The following BANP variants were observed in gnomAD, a reference collection of about 807,000 sequenced individuals.
BANP encodes the protein BTG3 associated nuclear protein, also known as protein BANP.
BANP carries 11 observed loss-of-function variants against 68.1 expected under a neutral mutation model. The observed-to-expected ratio is 0.16, with a 90% confidence interval of 0.10 to 0.27. BANP has a LOEUF of 0.27. Ranked by LOEUF, BANP falls within the 10% of genes least tolerant of loss-of-function variation. The pLI is 1.00. For synonymous variants in BANP, 329 were observed against 303.2 expected (o/e 1.09, Z -0.88); for missense variants, 504 against 722.7 (o/e 0.70, Z 3.47).
Position 88,057,498 on chromosome 16 carries a change from T to TCAAGAAACGAGGAGTGAAAAA in BANP, c.1312-7766_1312-7746dup, listed in dbSNP as rs755104567. On this transcript the variant is annotated intron_variant, in intron 11 of 13. Coordinates refer to ENST00000682872, the MANE Select transcript of BANP (RefSeq NM_001386991.1). This position sits in a 1 kb window ranked among gnomAD's most constrained non-coding sequence, Gnocchi z 4.6. Reference sequence around the variant, plus strand: ...CCTCCACGTGTTCACCTCGTCAGAGTCAAGAAACGAGGAGTGAAAAACACC... The same window carrying TCAAGAAACGAGGAGTGAAAAA: ...CCTCCACGTGTTCACCTCGTCAGAGTCAAGAAACGAGGAGTGAAAAACAAGAAACGAGGAGTGAAAAACACC... Among the ~76,000 whole-genome samples the TCAAGAAACGAGGAGTGAAAAA allele has an allele frequency of 1.1e-4, 16 of 151,752 alleles. No individual in the cohort carries two copies. Among genetic ancestry groups the TCAAGAAACGAGGAGTGAAAAA allele is most frequent in the Admixed American group, 2.0e-4 (3 of 15,248 alleles).
chr16:88,020,836 C>T (rs1451240606), intron 7 of BANP, among the ~76,000 whole-genome samples: 1 of 152,172 alleles, frequency 6.6e-6, no homozygotes, highest in African/African-American at 2.4e-5. Context: ...AGGGCATTGG[C>T]TGCAATTCTT....
intron 7 of BANP, among the ~76,000 whole-genome samples, chr16:88,019,027 G>C (rs992015177): frequency 1.5e-4 from 11 of 75,268 alleles, no homozygotes; most frequent in Non-Finnish European, 3.5e-4. Context: ...CGCTGACCCA[G>C]GCCCCCCTGA....
rs1466539080 is a variant in BANP, at chr16:88,049,937, G to A, written c.1311+11926G>A. Among the ~76,000 whole-genome samples the A allele has an allele frequency of 5.9e-5, 9 of 152,332 alleles. 1 individual carries two copies. The highest frequency in any genetic ancestry group is 1.3e-4 in the Non-Finnish European group (9 of 68,030). On this transcript the variant is annotated intron_variant, in intron 11 of 13. Coordinates refer to ENST00000682872, the MANE Select transcript of BANP (RefSeq NM_001386991.1). ...TTCTTGGGGATTTAGATTACATACA[G>A]CATAGGAAATGTGTTGTTCTAATTG... is the stretch of plus-strand genomic sequence containing the variant.
intron 11 of BANP, 53 bp from the exon 12 acceptor site, chr16:88,065,214 G>C (rs2088177762): frequency 1.5e-6 from 1 of 686,668 alleles, no homozygotes; most frequent in East Asian, 2.7e-5. Context: ...AGCAAGGCAG[G>C]GTTGGTCCTT....
chr16:88,049,816 G>A (rs905979901), intron 11 of BANP, among the ~76,000 whole-genome samples: 3 of 152,178 alleles, frequency 2.0e-5, no homozygotes, highest in Admixed American at 1.3e-4. Flanking sequence ...CCAGCCACAC[G>A]GCATCCGACG....
At chr16:88,050,427 G>C (rs774189591) in intron 11 of BANP, among the ~76,000 whole-genome samples, 1 of 151,952 alleles carries the variant, frequency 6.6e-6, no homozygotes, top group Non-Finnish European at 1.5e-5. Context: ...GGGTGCTCGG[G>C]TTACAGGCAT....
At chr16:88,027,365 T>C (rs1311950210) in intron 7 of BANP, 118 bp from the exon 8 acceptor site, 2 of 1,139,840 alleles carry the variant, frequency 1.8e-6, no homozygotes, top group Non-Finnish European at 1.3e-6. Flanking sequence ...GGGGCCGGCC[T>C]GGCGGGCTGG....
intron 7 of BANP, among the ~76,000 whole-genome samples, chr16:88,021,598 T>C (rs548589382): frequency 3.3e-5 from 5 of 152,354 alleles, no homozygotes; most frequent in South Asian, 2.1e-4. Flanking sequence ...GTAAAAAGCA[T>C]GGCTTTACCT....
At chr16:87,985,345 C>A (rs1226956471) in intron 4 of BANP, among the ~76,000 whole-genome samples, 1 of 152,194 alleles carries the variant, frequency 6.6e-6, no homozygotes, top group East Asian at 1.9e-4. Flanking sequence ...GGGGATCGTT[C>A]ACGTGTTACT....
At chr16:88,027,953 C>T (rs115343480) in intron 8 of BANP, among the ~76,000 whole-genome samples, 1,693 of 152,352 alleles carry the variant, frequency 0.011, 11 homozygotes, top group Middle Eastern at 0.017. Context: ...GTGGGGCTGC[C>T]GGCCGTTGTA....
chr16:87,983,909 G>T, intron 3 of BANP, 151 bp from the exon 4 acceptor site: 1 of 1,218,360 alleles, frequency 8.2e-7, no homozygotes, highest in Non-Finnish European at 1.1e-6. Flanking sequence ...ACATGTTTCT[G>T]GCTCATAGCT....
intron 12 of BANP, among the ~76,000 whole-genome samples, chr16:88,070,052 G>A (rs2152913972): frequency 6.6e-6 from 1 of 152,208 alleles, no homozygotes; most frequent in South Asian, 2.1e-4. Context: ...TCCGCTTCAT[G>A]AATAGCAGCC....
rs1357312488 is a variant in BANP at position 88,064,554 on chromosome 16, G to T, written c.1312-713G>T. Among the ~76,000 whole-genome samples, 2 of 152,262 alleles carry T rather than the reference G, an allele frequency of 1.3e-5. No individual in the cohort carries two copies. Among genetic ancestry groups the T allele is most frequent in the Non-Finnish European group, 2.9e-5 (2 of 68,048 alleles). On this transcript the variant is annotated intron_variant, in intron 11 of 13. Transcript: ENST00000682872. This position sits in a 1 kb window ranked among gnomAD's most constrained non-coding sequence, Gnocchi z 4.5. ...CCAGGCCAGCATCGGGTTGGCTGAG[G>T]GTTTGCCGAGGAGAGGGCATCGCCA...
At chr16:87,961,410 C>CCCCCT (rs961284180) in intron 1 of BANP, among the ~76,000 whole-genome samples, 2 of 140,422 alleles carry the variant, frequency 1.4e-5, no homozygotes, top group Admixed American at 6.9e-5. Flanking sequence ...AGAATCTGCA[C>CCCCCT]CCCCCCGGGC....
chr16:88,075,781 C>T (rs180822214), intron 13 of BANP, among the ~76,000 whole-genome samples: 33 of 139,918 alleles, frequency 2.4e-4, no homozygotes, highest in Admixed American at 1.7e-3. Flanking sequence ...GAGTCTGGCT[C>T]TGTTGCCCAG....
chr16:88,039,911 C>G (rs1274054143), intron 11 of BANP, among the ~76,000 whole-genome samples: 2 of 152,226 alleles, frequency 1.3e-5, no homozygotes, highest in African/African-American at 2.4e-5. Context: ...AGTCCCCACT[C>G]TCTCTAAGTG....
intron 13 of BANP, among the ~76,000 whole-genome samples, chr16:88,072,509 C>T (rs1169677808): frequency 2.0e-5 from 3 of 152,344 alleles, no homozygotes; most frequent in African/African-American, 4.8e-5. Context: ...CCACACAGCC[C>T]TTTCCTGTGG....
chr16:88,055,181 A>G (rs1055910892), intron 11 of BANP, among the ~76,000 whole-genome samples: 2 of 151,608 alleles, frequency 1.3e-5, no homozygotes, highest in African/African-American at 4.9e-5. Context: ...AACAAAGCTT[A>G]TATATGTTTA....
chr16:88,020,294 C>T (rs2075756251), intron 7 of BANP, among the ~76,000 whole-genome samples: 1 of 152,236 alleles, frequency 6.6e-6, no homozygotes. Context: ...CAACAGGACA[C>T]TGCCTTCAGA....
Sources: allele counts gnomAD v4.1 joint callset (sites outside exome capture counted in the v4.1 genomes callset), GRCh38; gene constraint gnomAD v4.1.1; non-coding constraint Gnocchi (gnomAD v3.1); transcripts MANE v1.5; gene names NCBI Gene and HGNC (gene_info 2026-07-23, HGNC 2026-07-21).